The following RAB9B variants were observed in gnomAD, a reference collection of about 807,000 sequenced individuals.
RAB9B encodes RAB9B, member RAS oncogene family.
In RAB9B, 1 loss-of-function variant was observed where a neutral mutation model predicts 8.9. That is an observed-to-expected ratio of 0.11 (90% CI 0.04 to 0.53). The LOEUF is 0.53. Ranked by LOEUF, RAB9B falls within the 20% of genes least tolerant of loss-of-function variation. The pLI is 0.93. For synonymous variants in RAB9B, 63 were observed against 57.0 expected, an observed-to-expected ratio of 1.10 and a Z score of -0.47; for missense variants, 82 against 152.9, an observed-to-expected ratio of 0.54 and a Z score of 2.45.
rs1237787161 is a variant in RAB9B at position 103,826,724 on chromosome X, C to A, written c.-43+281G>T. Among the ~76,000 whole-genome samples the A allele has an allele frequency of 3.6e-5, 4 of 111,965 alleles. No individual in the cohort carries two copies. In the Admixed American group the frequency reaches 3.8e-4, roughly 11 times the overall value. On this transcript the variant is annotated intron_variant, in intron 2 of 2. Transcript: ENST00000243298. ...TTTCCTATATTCTGTTAGGTACTTT[C>A]CCACTAGGTCTATTGTGGGAACTCA...
In RAB9B at chrX:103,823,466, G is replaced by C. The variant is rs966065490; in HGVS notation, c.*1713C>G. 1 of 112,138 alleles carries C rather than the reference G, an allele frequency of 8.9e-6. No homozygotes were observed. Among genetic ancestry groups the C allele is most frequent in the African/African-American group, 3.2e-5 (1 of 30,832 alleles). The allele number at this position is 112,138 out of a possible 1,213,427, so 9.2% of individuals were successfully genotyped here. On this transcript the variant is annotated 3_prime_UTR_variant, in exon 3 of 3. Transcript: ENST00000243298. Reference sequence around the variant, plus strand: ...TAAAGCACAAAGGTCCTACATGTAAGTAAGGCTGATTCCATACGTGGCTAC... The same window carrying C: ...TAAAGCACAAAGGTCCTACATGTAACTAAGGCTGATTCCATACGTGGCTAC...
At chrX:103,829,058 A>C (rs1220247089) in intron 1 of RAB9B, among the ~76,000 whole-genome samples, 1 of 112,200 alleles carries the variant, frequency 8.9e-6, no homozygotes, top group Admixed American at 9.4e-5. Flanking sequence ...AAAGATTTGT[A>C]AGCATTTTTT....
chrX:103,799,222 A>T, the RAB9B span, among the ~76,000 whole-genome samples: 1 of 102,432 alleles, frequency 9.8e-6, no homozygotes, highest in Non-Finnish European at 1.9e-5. Flanking sequence ...AGTGACACAC[A>T]TAGTTTTCAG....
intron 1 of RAB9B, among the ~76,000 whole-genome samples, chrX:103,827,691 A>G (rs1373593347): frequency 8.9e-6 from 1 of 111,937 alleles, no homozygotes; most frequent in East Asian, 2.8e-4. Context: ...ATTTGAGACA[A>G]GGTCTCATTC....
chrX:103,810,507 C>T, the RAB9B span, among the ~76,000 whole-genome samples: 1 of 112,267 alleles, frequency 8.9e-6, no homozygotes, highest in African/African-American at 3.2e-5. Context: ...GGATCTGCTA[C>T]AAGTAGTCTG....
the RAB9B span, among the ~76,000 whole-genome samples, chrX:103,809,690 A>G: frequency 8.9e-6 from 1 of 112,113 alleles, no homozygotes; most frequent in Non-Finnish European, 1.9e-5. Context: ...AAACCTTGCC[A>G]CCAGAGCAGC....
chrX:103,800,311 G>A, the RAB9B span, among the ~76,000 whole-genome samples: 1 of 103,642 alleles, frequency 9.6e-6, no homozygotes, highest in Non-Finnish European at 2.0e-5. Context: ...ATGTGTTTTG[G>A]ATTTCTTTTG....
At chrX:103,780,577 A>C in the RAB9B span, among the ~76,000 whole-genome samples, 1 of 110,667 alleles carries the variant, frequency 9.0e-6, no homozygotes, top group Admixed American at 9.7e-5. Flanking sequence ...CTTTTTAGTT[A>C]ACCTTGTCCA....
chrX:103,816,963 C>T, the RAB9B span, among the ~76,000 whole-genome samples: 22 of 112,413 alleles, frequency 2.0e-4, 1 homozygote, highest in Middle Eastern at 4.6e-3. Flanking sequence ...AAAATAGAAA[C>T]GCTTTTACAC....
the RAB9B span, among the ~76,000 whole-genome samples, chrX:103,806,795 G>A: frequency 9.0e-6 from 1 of 111,149 alleles, no homozygotes; most frequent in African/African-American, 3.3e-5. Flanking sequence ...GTGCATATAT[G>A]GGATAGATTT....
chrX:103,809,999 T>G, the RAB9B span, among the ~76,000 whole-genome samples: 1 of 111,464 alleles, frequency 9.0e-6, no homozygotes, highest in African/African-American at 3.3e-5. Flanking sequence ...GGGTGCACAG[T>G]AGGCCCAGGC....
At chrX:103,781,370 C>A in the RAB9B span, 1 of 300,801 alleles carries the variant, frequency 3.3e-6, no homozygotes, top group Non-Finnish European at 6.6e-6. Context: ...GTGAGAAGGG[C>A]TTAAAGTTGG....
At chrX:103,805,087 T>C in the RAB9B span, among the ~76,000 whole-genome samples, 1 of 111,611 alleles carries the variant, frequency 9.0e-6, no homozygotes, top group East Asian at 2.8e-4. Flanking sequence ...TTCTTGATCA[T>C]AGAAGGAAAG....
At chrX:103,809,297 A>ATTTC in the RAB9B span, among the ~76,000 whole-genome samples, 8 of 111,363 alleles carry the variant, frequency 7.2e-5, no homozygotes, top group Non-Finnish European at 1.1e-4. Flanking sequence ...TAAGAGATAA[A>ATTTC]TTTCTTTCTT....
the RAB9B span, chrX:103,790,475 G>A: frequency 2.3e-3 from 1,978 of 852,010 alleles, 9 homozygotes; most frequent in Middle Eastern, 0.013. Context: ...ATTTGAGGAG[G>A]GAGTGCTTTC....
the RAB9B span, among the ~76,000 whole-genome samples, chrX:103,805,415 A>C: frequency 0.27 from 30,342 of 110,552 alleles, 3,136 homozygotes; most frequent in East Asian, 0.35. Flanking sequence ...GGATGTTTGC[A>C]TCTATATTTG....
At chrX:103,821,389 C>T (rs2074660088), downstream of RAB9B, among the ~76,000 whole-genome samples, 1 of 109,678 alleles carries the variant, frequency 9.1e-6, no homozygotes, top group Non-Finnish European at 1.9e-5. Context: ...CCAACAAATT[C>T]CCCACCCCCA....
chrX:103,795,407 G>T, the RAB9B span, among the ~76,000 whole-genome samples: 1 of 111,703 alleles, frequency 9.0e-6, no homozygotes, highest in Non-Finnish European at 1.9e-5. Context: ...TAGCTTCATG[G>T]ATCTTCTATA....
chrX:103,781,136 C>T, the RAB9B span: 1 of 232,043 alleles, frequency 4.3e-6, no homozygotes, highest in Admixed American at 4.9e-5. Context: ...AAAGCCCTTC[C>T]TCTCCTTCCT....
Sources: allele counts gnomAD v4.1 joint callset (sites outside exome capture counted in the v4.1 genomes callset), GRCh38; gene constraint gnomAD v4.1.1; transcripts MANE v1.5; gene names NCBI Gene and HGNC (gene_info 2026-07-23, HGNC 2026-07-21).